JAM3: variants seen among roughly 807,000 people sequenced by gnomAD.
The protein encoded by JAM3 is junctional adhesion molecule 3.
In JAM3, 31 loss-of-function variants were observed where a neutral mutation model predicts 39.4. The ratio of observed to expected loss-of-function variants is 0.79; its 90% CI spans 0.59 to 1.06. The LOEUF (loss-of-function observed/expected upper bound fraction) is 1.06. Ranked by LOEUF, JAM3 falls within the 50% of genes least tolerant of loss-of-function variation. The pLI, the probability that JAM3 is intolerant of heterozygous loss-of-function variation, is 0.00. For synonymous variants in JAM3, 182 were observed against 148.7 expected (o/e 1.22, Z -1.63); for missense variants, 455 against 391.4 (o/e 1.16, Z -1.37).
Position 134,149,404 on chromosome 11 carries a change from C to T in JAM3, c.*223C>T, listed in dbSNP as rs961104307. The T allele has an allele frequency of 2.9e-4, 182 of 621,716 alleles. No homozygotes were observed. In the African/African-American group the frequency reaches 3.0e-3, roughly 10 times the overall value. 38.5% of individuals were successfully genotyped at this position (621,716 alleles called of 1,614,324 possible). ...CCCGGTAAATATAACCACAAGGAAG[C>T]GAAACTGGGTGCGTTCACTGAGTTG... On this transcript the variant is annotated 3_prime_UTR_variant, in exon 9 of 9. Transcript: ENST00000299106.
chr11:134,128,861 C>T (rs1162472107), intron 1 of JAM3, among the ~76,000 whole-genome samples: 2 of 152,092 alleles, frequency 1.3e-5, no homozygotes, highest in African/African-American at 2.4e-5. Context: ...TTTTTTGTAT[C>T]TTTCTCTTGC....
chr11:134,102,238 T>C (rs1487055100), intron 1 of JAM3, among the ~76,000 whole-genome samples: 1 of 152,198 alleles, frequency 6.6e-6, no homozygotes, highest in Non-Finnish European at 1.5e-5. Flanking sequence ...CCGCTGCTGA[T>C]AACCCAGGCA....
At chr11:134,142,727 C>T (rs1437747207) in intron 3 of JAM3, among the ~76,000 whole-genome samples, 1 of 152,116 alleles carries the variant, frequency 6.6e-6, no homozygotes, top group African/African-American at 2.4e-5. Context: ...AATTCCAGAA[C>T]ATTTTCATCA....
chr11:134,137,588 T>G (rs951793701), intron 1 of JAM3, among the ~76,000 whole-genome samples: 2 of 150,364 alleles, frequency 1.3e-5, no homozygotes, highest in African/African-American at 4.9e-5. Flanking sequence ...CCAGTGGTGG[T>G]GCCTCGTCGA....
At chr11:134,138,801 G>A (rs928915984) in intron 1 of JAM3, among the ~76,000 whole-genome samples, 2 of 152,126 alleles carry the variant, frequency 1.3e-5, no homozygotes, top group East Asian at 3.8e-4. Flanking sequence ...TTGAATTATT[G>A]TTTAGGGCTT....
At chr11:134,116,848 G>A (rs1339178612) in intron 1 of JAM3, among the ~76,000 whole-genome samples, 1 of 152,028 alleles carries the variant, frequency 6.6e-6, no homozygotes, top group Non-Finnish European at 1.5e-5. Flanking sequence ...TTAGTTTATA[G>A]TGGTATGTCT....
At chr11:134,145,162 AACAAGT>A in intron 5 of JAM3, 168 bp downstream of exon 5, 1 of 676,006 alleles carries the variant, frequency 1.5e-6, no homozygotes, top group Non-Finnish European at 2.7e-6. Context: ...TCCTTTTATA[AACAAGT>A]ACATTCTTAG....
At chr11:134,127,621 G>A (rs1361492396) in intron 1 of JAM3, among the ~76,000 whole-genome samples, 9 of 152,210 alleles carry the variant, frequency 5.9e-5, no homozygotes, top group African/African-American at 1.9e-4. Flanking sequence ...GATCACTTGA[G>A]CCCCGGAGGT....
Position 134,069,659 on chromosome 11 carries a change from G to C in JAM3, c.76+500G>C, listed in dbSNP as rs142505639. 3.8e-3 allele frequency among the ~76,000 whole-genome samples: 574 copies of C among 152,290 alleles called. 7 individuals carry two copies. The highest frequency in any genetic ancestry group is 0.013 in the African/African-American group (544 of 41,574). On this transcript the variant is annotated intron_variant, in intron 1 of 8. Transcript: ENST00000299106. ...GTGGGCACGGCCCTCTGGAGGGAGC[G>C]CGGCAGCTGCGGCGTGGGCGCTGGA...
intron 1 of JAM3, among the ~76,000 whole-genome samples, chr11:134,129,208 C>G (rs1470369356): frequency 6.6e-6 from 1 of 151,720 alleles, no homozygotes; most frequent in African/African-American, 2.4e-5. Flanking sequence ...CAAGCTCCAC[C>G]CAGGTTCACG....
chr11:134,111,486 G>T (rs536078926), intron 1 of JAM3, among the ~76,000 whole-genome samples: 4 of 152,098 alleles, frequency 2.6e-5, no homozygotes, highest in Non-Finnish European at 5.9e-5. Context: ...TAAGGGAAAA[G>T]AAAAGAGTCA....
At chr11:134,136,029 C>T (rs1245285363) in intron 1 of JAM3, among the ~76,000 whole-genome samples, 1 of 152,016 alleles carries the variant, frequency 6.6e-6, no homozygotes, top group African/African-American at 2.4e-5. Context: ...GAGATCACAC[C>T]ATTGCACTCC....
At chr11:134,095,013 AG>A (rs1317264752) in intron 1 of JAM3, among the ~76,000 whole-genome samples, 1 of 152,248 alleles carries the variant, frequency 6.6e-6, no homozygotes, top group Non-Finnish European at 1.5e-5. Flanking sequence ...GAATTCTGAA[AG>A]TCTAATGTAG....
chr11:134,104,519 G>A (rs1454707181), intron 1 of JAM3, among the ~76,000 whole-genome samples: 1 of 152,126 alleles, frequency 6.6e-6, no homozygotes, highest in East Asian at 1.9e-4. Context: ...GAGCAGAATG[G>A]AAGGAAATAG....
At chr11:134,121,134 G>T (rs1942523922) in intron 1 of JAM3, among the ~76,000 whole-genome samples, 1 of 152,146 alleles carries the variant, frequency 6.6e-6, no homozygotes, top group Non-Finnish European at 1.5e-5. Flanking sequence ...CCAGCCTGTT[G>T]AGTTAGAACT....
intron 1 of JAM3, among the ~76,000 whole-genome samples, chr11:134,077,761 C>T (rs554268419): frequency 5.8e-4 from 87 of 150,394 alleles, no homozygotes; most frequent in African/African-American, 2.0e-3. Context: ...ATTCTCCTGC[C>T]TCAGCCTCCT....
At chr11:134,086,684 A>G (rs920127775) in intron 1 of JAM3, among the ~76,000 whole-genome samples, 1 of 152,210 alleles carries the variant, frequency 6.6e-6, no homozygotes, top group African/African-American at 2.4e-5. Flanking sequence ...AATAGCTATT[A>G]AGAATGAATG....
chr11:134,081,568 A>C (rs144773552), intron 1 of JAM3, among the ~76,000 whole-genome samples: 259 of 152,352 alleles, frequency 1.7e-3, no homozygotes, highest in African/African-American at 5.9e-3. Flanking sequence ...AGTGCACAGA[A>C]GGTCAAGAAT....
intron 3 of JAM3, 82 bp from the exon 4 acceptor site, chr11:134,144,159 G>C (rs1943026357): frequency 2.1e-6 from 3 of 1,398,792 alleles, no homozygotes; most frequent in South Asian, 2.3e-5. Flanking sequence ...GTGGCATCTA[G>C]TGCTAGCCCC....
Sources: gnomAD v4.1 joint callset for allele counts (sites outside exome capture counted in the v4.1 genomes callset) on GRCh38, gnomAD v4.1.1 for gene constraint, MANE v1.5 for transcripts, NCBI Gene and HGNC (gene_info 2026-07-23, HGNC 2026-07-21) for gene names.